Variants in ARHGEF11 observed in about 807,000 individuals in gnomAD.
ARHGEF11 encodes Rho guanine exchange factor (GEF) 11.
Under a neutral mutation model 193.7 loss-of-function variants are expected in ARHGEF11, and 55 were observed. The observed-to-expected ratio is 0.28, with a 90% CI of 0.23 to 0.36. The LOEUF (loss-of-function observed/expected upper bound fraction) is 0.36, where lower values mean the gene tolerates loss of function less well. Ranked by LOEUF, ARHGEF11 falls within the 10% of genes least tolerant of loss-of-function variation. The pLI is 1.00. For missense variants in ARHGEF11, 1,723 were observed against 2,005.6 expected, an observed-to-expected ratio of 0.86 and a Z score of 2.69; for synonymous variants, 693 against 768.0, an observed-to-expected ratio of 0.90 and a Z score of 1.62.
At chr1:156,962,195 T>G (rs1268076240) in intron 13 of ARHGEF11, among the ~76,000 whole-genome samples, 1 of 152,202 alleles carries the variant, frequency 6.6e-6, no homozygotes, top group African/African-American at 2.4e-5. Context: ...TGGTGTGCCC[T>G]GTCTTTATTC....
chr1:157,028,188 G>A (rs1021748712), intron 1 of ARHGEF11, among the ~76,000 whole-genome samples: 6 of 152,230 alleles, frequency 3.9e-5, no homozygotes, highest in Admixed American at 6.5e-5. Context: ...ATACTGATCT[G>A]TGCAAAGGCT....
rs112741222 is a variant in ARHGEF11 at position 156,943,065 on chromosome 1, C to CT, written c.3236-286dup. Among the ~76,000 whole-genome samples, 549 of 140,390 alleles carry CT rather than the reference C, an allele frequency of 3.9e-3. 11 individuals carry two copies. The highest frequency in any genetic ancestry group is 0.011 in the African/African-American group (384 of 36,134). The allele number at this position is 140,390 out of a possible 152,430, so 92.1% of individuals were successfully genotyped here. A position where few individuals can be genotyped will look rare whatever the true frequency, so the allele number is the denominator to read the frequency against. ...TGTATGGTGCTTAGGAGTTATAAAACTTTTTTTTTTTTTGAAACGGATTCT... is the reference window on the plus strand; with the variant it reads ...TGTATGGTGCTTAGGAGTTATAAAACTTTTTTTTTTTTTTGAAACGGATTCT... On this transcript the variant is annotated intron_variant, in intron 32 of 40. Coordinates refer to ENST00000368194, the MANE Select transcript of ARHGEF11 (RefSeq NM_198236.3).
chr1:156,947,358 G>A lies in ARHGEF11; in HGVS notation c.2434C>T (p.Arg812Trp), dbSNP rs1658337372. 8 of 1,613,914 alleles carry A rather than the reference G, an allele frequency of 5.0e-6. No homozygotes were observed. The highest frequency in any genetic ancestry group is 2.2e-5 in the East Asian group (1 of 44,868). The change falls in exon 26 of 41, where the codon CGG becomes TGG. Residue 812 changes from arginine to tryptophan, a missense_variant. Arg to Trp is a moderately radical substitution (Grantham distance 101, BLOSUM62 -3). This residue lies in a region of ARHGEF11 where 491 missense variants were observed against 654.5 expected (regional missense o/e 0.75). Transcript: ENST00000368194. ...GGGAAGAGCCGGGCCAGCTCCTCCC[G>A]GGGCATCAGGTTCTCCTTCTTCATT... The part of the protein sequence containing the change: ...QRMKKENLMP[R>W]EELARLFPNL...
chr1:156,961,055 C>T (rs369468609), intron 14 of ARHGEF11, among the ~76,000 whole-genome samples: 3 of 152,262 alleles, frequency 2.0e-5, no homozygotes, highest in East Asian at 3.8e-4. Context: ...ATTAACCCTA[C>T]TAGCTTACTG....
At chr1:156,974,823 T>C (rs1467643549) in intron 7 of ARHGEF11, among the ~76,000 whole-genome samples, 3 of 152,240 alleles carry the variant, frequency 2.0e-5, no homozygotes, top group Non-Finnish European at 2.9e-5. Flanking sequence ...TTCTTCCATG[T>C]TGTAGCATTT....
At chr1:156,943,340 C>A (rs1171890001) in intron 32 of ARHGEF11, among the ~76,000 whole-genome samples, 1 of 152,220 alleles carries the variant, frequency 6.6e-6, no homozygotes, top group Non-Finnish European at 1.5e-5. Context: ...GGATTACAGG[C>A]ATGAGCCACA....
intron 34 of ARHGEF11, 85 bp from the exon 35 acceptor site, chr1:156,941,518 C>T (rs1033161134): frequency 3.2e-5 from 46 of 1,440,880 alleles, no homozygotes; most frequent in African/African-American, 1.3e-4. Flanking sequence ...GAGTAGGATC[C>T]GAGAAGGACG....
chr1:156,976,015 T>C (rs989751213), intron 7 of ARHGEF11, among the ~76,000 whole-genome samples: 1 of 152,184 alleles, frequency 6.6e-6, no homozygotes, highest in Non-Finnish European at 1.5e-5. Context: ...TAGTATATCT[T>C]CATTCATTCA....
upstream of ARHGEF11, among the ~76,000 whole-genome samples, chr1:157,045,911 G>GCGCTGCC (rs1185792299): frequency 2.0e-5 from 3 of 150,784 alleles, no homozygotes; most frequent in Non-Finnish European, 4.4e-5. Context: ...CCTCCTCGCT[G>GCGCTGCC]CGCTGCCCGC....
intron 26 of ARHGEF11, 37 bp downstream of exon 26, chr1:156,947,267 A>G: frequency 6.4e-7 from 1 of 1,571,826 alleles, no homozygotes; most frequent in African/African-American, 1.4e-5. Flanking sequence ...GCTGAAGGGC[A>G]GCAGAAGAGG....
intron 15 of ARHGEF11, among the ~76,000 whole-genome samples, chr1:156,959,938 C>G (rs1240297445): frequency 9.1e-6 from 1 of 109,298 alleles, no homozygotes; most frequent in Non-Finnish European, 2.0e-5. Flanking sequence ...CCCCTCCCCC[C>G]CCCCCAAAAA....
At chr1:156,987,790 C>G (rs908513772) in intron 1 of ARHGEF11, among the ~76,000 whole-genome samples, 1 of 151,778 alleles carries the variant, frequency 6.6e-6, no homozygotes, top group Non-Finnish European at 1.5e-5. Flanking sequence ...GAGCGTGGGC[C>G]CAGGAGAGAG....
Position 156,936,009 on chromosome 1 carries a change from T to G in ARHGEF11, c.4680A>C (p.Pro1560=), listed in dbSNP as rs921098938. 1.9e-6 allele frequency: 3 copies of G among 1,613,364 alleles called. No individual in the cohort carries two copies. Among genetic ancestry groups the G allele is most frequent in the Non-Finnish European group, 2.5e-6 (3 of 1,179,726 alleles). ...EDSTADAAAS[P]GP ...TTGGTGGTTTGTACGGTTATGGTCC[T>G]GGTGACGCGGCTGCGTCTGCTGTGC... is the stretch of plus-strand genomic sequence containing the variant. Residue 1560 remains proline, a synonymous_variant, in exon 41 of 41, where the codon CCA becomes CCC. Coordinates refer to ENST00000368194, the MANE Select transcript of ARHGEF11 (RefSeq NM_198236.3).
chr1:157,013,300 C>CACACACACACACA (rs1553228482), intron 1 of ARHGEF11, among the ~76,000 whole-genome samples: 81 of 133,856 alleles, frequency 6.1e-4, no homozygotes, highest in South Asian at 2.4e-3. Flanking sequence ...CACACACACA[C>CACACACACACACA]CAAGAACCTT....
chr1:156,984,577 C>T, intron 2 of ARHGEF11, 140 bp from the exon 3 acceptor site: 1 of 615,138 alleles, frequency 1.6e-6, no homozygotes. Flanking sequence ...TAGACTATTC[C>T]TGTCTAAACA....
chr1:156,953,523 C>A lies in ARHGEF11; in HGVS notation c.1798+1369G>T, dbSNP rs150021720. Among the ~76,000 whole-genome samples, 1,034 of 152,244 alleles carry A rather than the reference C, an allele frequency of 6.8e-3. 13 individuals carry two copies. Among genetic ancestry groups the A allele is most frequent in the African/African-American group, 0.023 (956 of 41,534 alleles). On this transcript the variant is annotated intron_variant, in intron 21 of 40. Coordinates refer to ENST00000368194, the MANE Select transcript of ARHGEF11 (RefSeq NM_198236.3). ...TCCCCTTGTTTTATAAACTTTTTTACATTAATTCCTTATTTTTACTGCTTA... is the reference window on the plus strand; with the variant it reads ...TCCCCTTGTTTTATAAACTTTTTTAAATTAATTCCTTATTTTTACTGCTTA...
chr1:157,037,103 G>A (rs1672138671), intron 1 of ARHGEF11, among the ~76,000 whole-genome samples: 1 of 152,102 alleles, frequency 6.6e-6, no homozygotes, highest in South Asian at 2.1e-4. Context: ...ACTGTAGCCT[G>A]CGTAACAAGA....
chr1:157,028,698 T>G (rs1355772705), intron 1 of ARHGEF11, among the ~76,000 whole-genome samples: 1 of 152,170 alleles, frequency 6.6e-6, no homozygotes, highest in East Asian at 1.9e-4. Context: ...TAACCCCAAT[T>G]TTTAAATGGG....
chr1:156,946,916 G>A lies in ARHGEF11; in HGVS notation c.2568+20C>T, dbSNP rs144560633. The A allele has an allele frequency of 1.9e-6, 3 of 1,613,828 alleles. No homozygotes were observed. The highest frequency in any genetic ancestry group is 3.3e-5 in the Admixed American group (2 of 60,020). On this transcript the variant is annotated intron_variant, in intron 27 of 40. Transcript: ENST00000368194. ...CCCCCAATCTCCTCCTTGCCAAGAG[G>A]GAGAAGTTTGGAGCCATACCCGGGC...
Sources: gnomAD v4.1 joint callset for allele counts (sites outside exome capture counted in the v4.1 genomes callset) on GRCh38, gnomAD v4.1.1 for gene constraint, gnomAD v4.1.1 regional missense constraint, MANE v1.5 for transcripts, NCBI Gene and HGNC (gene_info 2026-07-23, HGNC 2026-07-21) for gene names.